TANGO6: variants seen among roughly 807,000 people sequenced by gnomAD.
TANGO6 encodes the protein transport and golgi organization 6 homolog, also known as transport and Golgi organization protein 6 homolog.
TANGO6 carries 90 observed loss-of-function variants against 114.2 expected under a neutral mutation model. The observed-to-expected ratio is 0.79, with a 90% CI of 0.66 to 0.94. The LOEUF (loss-of-function observed/expected upper bound fraction) is 0.94, where lower values mean the gene tolerates loss of function less well. Among genes scored for constraint, TANGO6 ranks in the 40% least tolerant of loss-of-function variants. The pLI, the probability that TANGO6 is intolerant of heterozygous loss-of-function variation, is 0.00. For synonymous variants in TANGO6, 477 were observed against 509.8 expected, an observed-to-expected ratio of 0.94 and a Z score of 0.87; for missense variants, 1,274 against 1,315.3, an observed-to-expected ratio of 0.97 and a Z score of 0.49.
intron 2 of TANGO6, 75 bp from the exon 3 acceptor site, chr16:68,862,870 C>A: frequency 2.1e-6 from 2 of 936,458 alleles, no homozygotes; most frequent in Non-Finnish European, 3.4e-6. Flanking sequence ...TATCTCTGTA[C>A]AGTGTTGTAA....
intron 15 of TANGO6, among the ~76,000 whole-genome samples, chr16:69,016,622 C>G (rs1959302754): frequency 6.6e-6 from 1 of 152,006 alleles, no homozygotes; most frequent in South Asian, 2.1e-4. Flanking sequence ...ACTTCTCTCA[C>G]TTACTGTAGA....
chr16:68,891,240 C>T (rs966139216), intron 7 of TANGO6, among the ~76,000 whole-genome samples: 1 of 147,998 alleles, frequency 6.8e-6, no homozygotes, highest in Admixed American at 6.9e-5. Context: ...TGCAGTAGGC[C>T]GAGATCGCAC....
At chr16:69,058,396 T>C (rs1960065485) in intron 17 of TANGO6, among the ~76,000 whole-genome samples, 1 of 152,242 alleles carries the variant, frequency 6.6e-6, no homozygotes, top group Admixed American at 6.5e-5. Flanking sequence ...ATTATCTCAC[T>C]GAGTCCCCCT....
chr16:68,960,742 ACCCACCTCAACCT>A, intron 14 of TANGO6, among the ~76,000 whole-genome samples: 2 of 152,058 alleles, frequency 1.3e-5, no homozygotes, highest in East Asian at 3.9e-4. Flanking sequence ...CAAGTGATCC[ACCCACCTCAACCT>A]CCCATAGTGC....
intron 13 of TANGO6, 150 bp downstream of exon 13, chr16:68,928,233 C>A: frequency 1.2e-6 from 1 of 817,106 alleles, no homozygotes; most frequent in Non-Finnish European, 1.8e-6. Flanking sequence ...CACTTAGACA[C>A]AGGAAAGATT....
Position 69,081,523 on chromosome 16 carries a change from T to C in TANGO6, c.3109-1962T>C, listed in dbSNP as rs187532336. ...CACACCTGCTAATTTTTATTTTTAG[T>C]AGAGATGGGGTTTCACCTTGTTGGC... is the stretch of plus-strand genomic sequence containing the variant. On this transcript the variant is annotated intron_variant, in intron 17 of 17. Coordinates refer to ENST00000261778, the MANE Select transcript of TANGO6 (RefSeq NM_024562.2). Among the ~76,000 whole-genome samples, 187 of 151,996 alleles carry C rather than the reference T, an allele frequency of 1.2e-3. 1 individual carries two copies. Among genetic ancestry groups the C allele is most frequent in the Non-Finnish European group, 2.4e-3 (164 of 67,964 alleles).
chr16:68,847,563 G>A (rs7197927), intron 1 of TANGO6, among the ~76,000 whole-genome samples: 1,929 of 152,300 alleles, frequency 0.013, 38 homozygotes, highest in African/African-American at 0.042. Context: ...GCCACAGGAA[G>A]TCATTTAGAG....
intron 7 of TANGO6, among the ~76,000 whole-genome samples, chr16:68,896,169 G>T (rs1243374304): frequency 6.6e-6 from 1 of 151,922 alleles, no homozygotes; most frequent in African/African-American, 2.4e-5. Context: ...ACCACACCTG[G>T]CTAGTTTTTG....
intron 14 of TANGO6, among the ~76,000 whole-genome samples, chr16:68,935,843 G>A (rs1369111422): frequency 3.9e-5 from 6 of 152,096 alleles, no homozygotes; most frequent in Non-Finnish European, 1.5e-5. Flanking sequence ...AGTATATAAG[G>A]TAAAAGGCAG....
At chr16:68,967,684 A>G (rs1360622103) in intron 14 of TANGO6, among the ~76,000 whole-genome samples, 1 of 152,156 alleles carries the variant, frequency 6.6e-6, no homozygotes, top group East Asian at 1.9e-4. Flanking sequence ...GTTGGCAGAA[A>G]TATCTGTGAG....
intron 10 of TANGO6, among the ~76,000 whole-genome samples, 199 bp downstream of exon 10, chr16:68,907,774 CAT>C (rs1393519359): frequency 6.6e-6 from 1 of 152,162 alleles, no homozygotes; most frequent in African/African-American, 2.4e-5. Flanking sequence ...CACTAGTACT[CAT>C]GTTATCTACT....
intron 15 of TANGO6, among the ~76,000 whole-genome samples, chr16:69,014,902 A>G (rs1959262366): frequency 6.6e-6 from 1 of 151,946 alleles, no homozygotes; most frequent in Non-Finnish European, 1.5e-5. Flanking sequence ...TCTCAAAAAA[A>G]AAAAAAAAAG....
At chr16:68,874,290 T>A (rs1003249762) in intron 4 of TANGO6, among the ~76,000 whole-genome samples, 1 of 152,192 alleles carries the variant, frequency 6.6e-6, no homozygotes, top group Non-Finnish European at 1.5e-5. Context: ...CAGGCTTCAT[T>A]TGGGCTGCTA....
intron 15 of TANGO6, among the ~76,000 whole-genome samples, chr16:68,995,960 A>C (rs1258611462): frequency 6.6e-6 from 1 of 152,208 alleles, no homozygotes; most frequent in Non-Finnish European, 1.5e-5. Context: ...TTCAAACAAG[A>C]TAATAGACAT....
chr16:68,900,346 C>G, intron 7 of TANGO6, 88 bp from the exon 8 acceptor site: 1 of 1,010,440 alleles, frequency 9.9e-7, no homozygotes, highest in South Asian at 1.4e-5. Flanking sequence ...GCTTAAGACG[C>G]TGAGCCCTGC....
intron 7 of TANGO6, among the ~76,000 whole-genome samples, chr16:68,882,452 G>T (rs777985166): frequency 1.3e-5 from 2 of 151,292 alleles, no homozygotes; most frequent in Non-Finnish European, 2.9e-5. Context: ...AGCCGAGATC[G>T]CACCACTGCA....
intron 15 of TANGO6, among the ~76,000 whole-genome samples, chr16:69,021,892 T>C (rs1355288546): frequency 2.7e-5 from 4 of 150,576 alleles, no homozygotes; most frequent in Non-Finnish European, 5.9e-5. Flanking sequence ...TTTTCTTTTT[T>C]TTTTTTTTTT....
chr16:68,940,698 T>C (rs79125308), intron 14 of TANGO6, among the ~76,000 whole-genome samples: 7,537 of 152,224 alleles, frequency 0.05, 222 homozygotes, highest in Non-Finnish European at 0.07. Flanking sequence ...ATTCCCTTTT[T>C]AGTAATTTTA....
At chr16:69,028,649 TA>T (rs1042052161) in intron 16 of TANGO6, among the ~76,000 whole-genome samples, 18 of 149,930 alleles carry the variant, frequency 1.2e-4, no homozygotes, top group South Asian at 4.2e-4. Context: ...AACTAAAAAT[TA>T]AAAAAAAATA....
Sources: gnomAD v4.1 joint callset for allele counts (sites outside exome capture counted in the v4.1 genomes callset) on GRCh38, gnomAD v4.1.1 for gene constraint, MANE v1.5 for transcripts, NCBI Gene and HGNC (gene_info 2026-07-23, HGNC 2026-07-21) for gene names.